The following LDLRAD3 variants were observed in gnomAD, a reference collection of about 807,000 sequenced individuals.
LDLRAD3 encodes the protein low density lipoprotein receptor class A domain containing 3.
Under a neutral mutation model 29.4 loss-of-function variants are expected in LDLRAD3, and 20 were observed. The ratio of observed to expected loss-of-function variants is 0.68; its 90% CI spans 0.48 to 0.99. LDLRAD3 has a LOEUF of 0.99. LDLRAD3 is among the 50% of genes least tolerant of loss of function. The probability of loss-of-function intolerance (pLI) is 0.00; values close to 1 mark genes in which losing one functional copy is unlikely to be tolerated. For missense variants in LDLRAD3, 420 were observed against 454.3 expected (o/e 0.92, Z 0.69); for synonymous variants, 157 against 192.7 (o/e 0.81, Z 1.53).
At chr11:36,204,109 G>A (rs1024011051) in intron 4 of LDLRAD3, among the ~76,000 whole-genome samples, 1 of 152,158 alleles carries the variant, frequency 6.6e-6, no homozygotes, top group Non-Finnish European at 1.5e-5. Context: ...TCCTTCTTCT[G>A]TAGTTAAAGC....
chr11:36,111,991 C>T (rs1853612859), intron 4 of LDLRAD3, among the ~76,000 whole-genome samples: 1 of 152,186 alleles, frequency 6.6e-6, no homozygotes, highest in African/African-American at 2.4e-5. Context: ...ATTTTGTGCC[C>T]TTTATCATGT....
intron 2 of LDLRAD3, among the ~76,000 whole-genome samples, chr11:36,066,958 C>T (rs1467937277): frequency 2.0e-5 from 3 of 152,206 alleles, no homozygotes; most frequent in African/African-American, 2.4e-5. Flanking sequence ...CGCTCCCAGA[C>T]GCATCTCCTG....
rs543588475 is a variant in LDLRAD3 at position 36,111,001 on chromosome 11, A to G, written c.454+12540A>G. 9.8e-5 allele frequency among the ~76,000 whole-genome samples: 15 copies of G among 152,316 alleles called. No individual in the cohort carries two copies. In the South Asian group the frequency reaches 3.1e-3, roughly 32 times the overall value. On this transcript the variant is annotated intron_variant, in intron 4 of 5. Coordinates refer to ENST00000315571, the MANE Select transcript of LDLRAD3 (RefSeq NM_174902.4). ...GTATAGCCAAAGACAGAGATTCTGT[A>G]TGGCTGGAGCAAAGTGTGCATGTGT... is the stretch of plus-strand genomic sequence containing the variant.
chr11:35,989,896 T>G (rs764162422), intron 1 of LDLRAD3, among the ~76,000 whole-genome samples: 2 of 152,188 alleles, frequency 1.3e-5, no homozygotes, highest in Non-Finnish European at 2.9e-5. Context: ...GCCCTTCCTT[T>G]CTTTCTCTTG....
intron 4 of LDLRAD3, among the ~76,000 whole-genome samples, chr11:36,193,983 A>G (rs1854994162): frequency 2.0e-5 from 3 of 152,184 alleles, no homozygotes; most frequent in African/African-American, 7.2e-5. Flanking sequence ...CCAGTTTACA[A>G]ATGGGGACAT....
chr11:36,190,211 C>A (rs1854920587), intron 4 of LDLRAD3, among the ~76,000 whole-genome samples: 1 of 152,142 alleles, frequency 6.6e-6, no homozygotes, highest in Non-Finnish European at 1.5e-5. Context: ...TAAGATGCCT[C>A]CCCTCTTTTA....
intron 4 of LDLRAD3, among the ~76,000 whole-genome samples, chr11:36,156,916 T>C (rs1270166088): frequency 1.3e-5 from 2 of 152,244 alleles, no homozygotes; most frequent in Non-Finnish European, 2.9e-5. Context: ...TTTTCGGATC[T>C]GGTTGAAAAG....
chr11:36,121,357 G>T (rs1409003099), intron 4 of LDLRAD3, among the ~76,000 whole-genome samples: 2 of 152,054 alleles, frequency 1.3e-5, no homozygotes, highest in Non-Finnish European at 2.9e-5. Context: ...AGAGAGGTGG[G>T]GTGGTGGAGT....
rs1000928077 is a variant in LDLRAD3 at position 35,944,896 on chromosome 11, C to A, written c.46+752C>A. ...TCACCACCGCGTGTGCATCCCGGGG[C>A]CTGGACCGCAGCAAGCCTCTTTCCC... On this transcript the variant is annotated intron_variant, in intron 1 of 5. Coordinates refer to ENST00000315571, the MANE Select transcript of LDLRAD3 (RefSeq NM_174902.4). The surrounding 1 kb of genome is among the most constrained non-coding windows in gnomAD (Gnocchi z 4.9). Among the ~76,000 whole-genome samples the A allele has an allele frequency of 5.9e-5, 9 of 152,218 alleles. No homozygotes were observed. Among genetic ancestry groups the A allele is most frequent in the African/African-American group, 2.2e-4 (9 of 41,456 alleles).
At chr11:36,110,826 G>T (rs1030571857) in intron 4 of LDLRAD3, among the ~76,000 whole-genome samples, 2 of 152,198 alleles carry the variant, frequency 1.3e-5, no homozygotes, top group African/African-American at 4.8e-5. Context: ...AGCATGCCGT[G>T]GGAGCTTGAG....
intron 1 of LDLRAD3, among the ~76,000 whole-genome samples, chr11:35,957,555 G>A (rs1448758563): frequency 3.3e-5 from 5 of 152,122 alleles, no homozygotes; most frequent in Non-Finnish European, 5.9e-5. Flanking sequence ...CCAGCACTTT[G>A]GGAGGCTGAG....
intron 2 of LDLRAD3, among the ~76,000 whole-genome samples, chr11:36,068,831 T>C (rs2133242453): frequency 6.6e-6 from 1 of 152,246 alleles, no homozygotes; most frequent in East Asian, 1.9e-4. Flanking sequence ...ACCTAGATGC[T>C]TCTTATCTCT....
intron 4 of LDLRAD3, among the ~76,000 whole-genome samples, chr11:36,170,036 T>A (rs1854572514): frequency 6.6e-6 from 1 of 152,024 alleles, no homozygotes; most frequent in Non-Finnish European, 1.5e-5. Flanking sequence ...CTTCCCTCTC[T>A]GGATCCCCAG....
intron 1 of LDLRAD3, among the ~76,000 whole-genome samples, chr11:35,953,324 T>C (rs926336198): frequency 6.6e-6 from 1 of 152,190 alleles, no homozygotes; most frequent in African/African-American, 2.4e-5. Context: ...GCTGCAAGGA[T>C]GTGGAATTTA....
At chr11:36,043,560 G>A (rs1852409476) in intron 2 of LDLRAD3, among the ~76,000 whole-genome samples, 1 of 152,164 alleles carries the variant, frequency 6.6e-6, no homozygotes, top group South Asian at 2.1e-4. Context: ...GTTAAGATGA[G>A]GTTGTACTGG....
chr11:36,114,721 C>G (rs1019923047), intron 4 of LDLRAD3, among the ~76,000 whole-genome samples: 4 of 152,192 alleles, frequency 2.6e-5, no homozygotes, highest in Admixed American at 1.3e-4. Context: ...CAGTGCCTGC[C>G]TGCCTTTCTT....
At chr11:36,123,219 G>A (rs963329500) in intron 4 of LDLRAD3, among the ~76,000 whole-genome samples, 1 of 152,028 alleles carries the variant, frequency 6.6e-6, no homozygotes, top group African/African-American at 2.4e-5. Context: ...TAATAAAAGT[G>A]TGGTACATAA....
At chr11:36,028,140 A>G (rs796625830) in intron 1 of LDLRAD3, among the ~76,000 whole-genome samples, 16 of 152,296 alleles carry the variant, frequency 1.1e-4, no homozygotes, top group African/African-American at 3.6e-4. Context: ...TCATTTATCC[A>G]TTGCATATTG....
In LDLRAD3 at chr11:36,180,821, G is replaced by A. The variant is rs546504341; in HGVS notation, c.455-46264G>A. Among the ~76,000 whole-genome samples, 62 of 152,264 alleles carry A rather than the reference G, an allele frequency of 4.1e-4. No homozygotes were observed. The South Asian group carries it at 0.013, about 31-fold the overall frequency. Reference sequence around the variant, plus strand: ...TGTGCCAATTGGTGTGGTAAGAACGGTCAGTGCGGGCCATGCTTGGAAAGT... The same window carrying A: ...TGTGCCAATTGGTGTGGTAAGAACGATCAGTGCGGGCCATGCTTGGAAAGT... On this transcript the variant is annotated intron_variant, in intron 4 of 5. Transcript: ENST00000315571.
Sources: allele counts gnomAD v4.1 joint callset (sites outside exome capture counted in the v4.1 genomes callset), GRCh38; gene constraint gnomAD v4.1.1; non-coding constraint Gnocchi (gnomAD v3.1); transcripts MANE v1.5; gene names NCBI Gene and HGNC (gene_info 2026-07-23, HGNC 2026-07-21).